The following NUP93 variants were observed in gnomAD, a reference collection of about 807,000 sequenced individuals.
NUP93 encodes nucleoporin 93, also known as nuclear pore complex protein Nup93.
NUP93 carries 55 observed loss-of-function variants against 107.8 expected under a neutral mutation model. The ratio of observed to expected loss-of-function variants is 0.51; its 90% CI spans 0.41 to 0.64. NUP93 has a LOEUF of 0.64. Ranked by LOEUF, NUP93 falls within the 30% of genes least tolerant of loss-of-function variation. The probability of loss-of-function intolerance (pLI) is 0.00; values close to 1 mark genes in which losing one functional copy is unlikely to be tolerated. For missense variants in NUP93, 937 were observed against 1,044.7 expected, an observed-to-expected ratio of 0.90 and a Z score of 1.42; for synonymous variants, 390 against 397.5, an observed-to-expected ratio of 0.98 and a Z score of 0.22.
At chr16:56,793,052 ATAT>A (rs1411785508) in intron 3 of NUP93, among the ~76,000 whole-genome samples, 1 of 152,162 alleles carries the variant, frequency 6.6e-6, no homozygotes, top group East Asian at 1.9e-4. Flanking sequence ...CTGTTCTTTC[ATAT>A]TGTTAAAGGA....
intron 3 of NUP93, among the ~76,000 whole-genome samples, chr16:56,779,693 G>A (rs973219652): frequency 6.6e-6 from 1 of 152,164 alleles, no homozygotes; most frequent in Non-Finnish European, 1.5e-5. Context: ...TGGGATACTC[G>A]TAGATGGAGG....
intron 4 of NUP93, among the ~76,000 whole-genome samples, chr16:56,803,060 A>C (rs1366734247): frequency 2.7e-5 from 4 of 149,602 alleles, no homozygotes; most frequent in Non-Finnish European, 4.4e-5. Flanking sequence ...GTAGCTTTTC[A>C]GTAACTTTGA....
At position 56,805,532 on chromosome 16, in the gene NUP93, G is replaced by C. The variant is rs747730206; in HGVS notation, c.389G>C (p.Arg130Pro). The change falls in exon 5 of 22, where the codon CGG becomes CCG. Residue 130 changes from arginine to proline, a missense_variant. By Grantham distance (103) the Arg-to-Pro change is moderately radical (BLOSUM62 -2). Transcript: ENST00000308159. ...TTCGGCATGGCTGAGGAGTACCATC[G>C]GGAGTCAATGTTGGTTGAGTGGGAG... ...RTFGMAEEYH[R>P]ESMLVEWEQV... is the part of the protein sequence containing the mutation. The C allele has an allele frequency of 6.2e-7, 1 of 1,613,846 alleles. No homozygotes were observed. Among genetic ancestry groups the C allele is most frequent in the Non-Finnish European group, 8.5e-7 (1 of 1,179,978 alleles).
chr16:56,773,534 T>C (rs183264181), intron 3 of NUP93, among the ~76,000 whole-genome samples: 92 of 152,350 alleles, frequency 6.0e-4, no homozygotes, highest in African/African-American at 2.1e-3. Flanking sequence ...CTGAACACCT[T>C]TGGCAACCAG....
chr16:56,794,957 A>AG (rs1962863169), intron 3 of NUP93, among the ~76,000 whole-genome samples: 1 of 126,356 alleles, frequency 7.9e-6, no homozygotes, highest in Admixed American at 8.7e-5. Flanking sequence ...AAAAAAAAAA[A>AG]AAGAATTGGA....
At chr16:56,826,207 A>G (rs1963654250) in intron 8 of NUP93, among the ~76,000 whole-genome samples, 1 of 151,930 alleles carries the variant, frequency 6.6e-6, no homozygotes, top group African/African-American at 2.4e-5. Flanking sequence ...TTCTTATCCA[A>G]CCTCTGCTTA....
chr16:56,748,727 G>A (rs1364380528), intron 2 of NUP93, among the ~76,000 whole-genome samples: 1 of 152,064 alleles, frequency 6.6e-6, no homozygotes, highest in Admixed American at 6.5e-5. Context: ...TCCTGCTTGG[G>A]TTCAATGATC....
At chr16:56,779,014 T>G (rs1357281498) in intron 3 of NUP93, among the ~76,000 whole-genome samples, 1 of 152,082 alleles carries the variant, frequency 6.6e-6, no homozygotes, top group Non-Finnish European at 1.5e-5. Context: ...CTCTCCCAGC[T>G]GTATCTCAGA....
intron 2 of NUP93, among the ~76,000 whole-genome samples, chr16:56,748,678 G>A (rs1334112851): frequency 1.3e-5 from 2 of 152,114 alleles, no homozygotes; most frequent in African/African-American, 4.8e-5. Context: ...GTGGGAGGGG[G>A]TGAAAGAGCC....
chr16:56,831,741 G>A (rs1179705766), intron 10 of NUP93, 101 bp from the exon 11 acceptor site: 2 of 1,213,398 alleles, frequency 1.6e-6, no homozygotes, highest in East Asian at 2.4e-5. Flanking sequence ...ATGAAGGAAG[G>A]CTTCCCTGCT....
At chr16:56,779,001 C>G (rs1486904382) in intron 3 of NUP93, among the ~76,000 whole-genome samples, 1 of 152,126 alleles carries the variant, frequency 6.6e-6, no homozygotes, top group Non-Finnish European at 1.5e-5. Context: ...AGCAGGGACC[C>G]AGCTCTCCCA....
At chr16:56,779,458 A>G (rs544191231) in intron 3 of NUP93, among the ~76,000 whole-genome samples, 20 of 152,360 alleles carry the variant, frequency 1.3e-4, no homozygotes, top group African/African-American at 4.3e-4. Flanking sequence ...AAATTAAACA[A>G]TGGACTACCA....
chr16:56,809,995 G>T (rs1243734891), intron 5 of NUP93, among the ~76,000 whole-genome samples: 1 of 152,138 alleles, frequency 6.6e-6, no homozygotes, highest in Non-Finnish European at 1.5e-5. Context: ...TTTTAAAATG[G>T]TGTTAATAGG....
At chr16:56,809,184 G>A (rs1197493443) in intron 5 of NUP93, among the ~76,000 whole-genome samples, 1 of 152,164 alleles carries the variant, frequency 6.6e-6, no homozygotes, top group African/African-American at 2.4e-5. Context: ...CTTTGTGCCA[G>A]AGGGAGCCAG....
chr16:56,760,148 T>C (rs1425972007), intron 3 of NUP93, among the ~76,000 whole-genome samples: 1 of 152,218 alleles, frequency 6.6e-6, no homozygotes, highest in East Asian at 1.9e-4. Flanking sequence ...AGAGAATTTC[T>C]TAATTTGGAA....
intron 8 of NUP93, among the ~76,000 whole-genome samples, chr16:56,826,022 T>C (rs1043426372): frequency 3.3e-5 from 5 of 152,194 alleles, no homozygotes; most frequent in African/African-American, 1.2e-4. Flanking sequence ...ATAGGATTGG[T>C]CTGTCTCTTC....
intron 3 of NUP93, chr16:56,782,253 T>C (rs1962530908): frequency 2.1e-6 from 2 of 971,090 alleles, no homozygotes; most frequent in Non-Finnish European, 2.4e-6. Flanking sequence ...TTAAGACAAA[T>C]GCACCCTGGT....
At chr16:56,742,216 C>G (rs539606094) in intron 1 of NUP93, among the ~76,000 whole-genome samples, 1 of 152,176 alleles carries the variant, frequency 6.6e-6, no homozygotes, top group Non-Finnish European at 1.5e-5. Context: ...AAAGAGGAAA[C>G]GAGATGGCAA....
chr16:56,780,981 C>T (rs931632227), intron 3 of NUP93, among the ~76,000 whole-genome samples: 13 of 152,156 alleles, frequency 8.5e-5, no homozygotes, highest in African/African-American at 2.6e-4. Context: ...AGTTGTTTGC[C>T]GCACTGAATT....
Sources: gnomAD v4.1 joint callset for allele counts (sites outside exome capture counted in the v4.1 genomes callset) on GRCh38, gnomAD v4.1.1 for gene constraint, MANE v1.5 for transcripts, NCBI Gene and HGNC (gene_info 2026-07-23, HGNC 2026-07-21) for gene names.